The following TRIM37 variants were observed in gnomAD, a reference collection of about 807,000 sequenced individuals.
The protein encoded by TRIM37 is tripartite motif containing 37.
TRIM37 carries 80 observed loss-of-function variants against 129.8 expected under a neutral mutation model. The ratio of observed to expected loss-of-function variants is 0.62; its 90% confidence interval spans 0.51 to 0.74. The LOEUF (loss-of-function observed/expected upper bound fraction) is 0.74, where lower values mean the gene tolerates loss of function less well. TRIM37 is among the 30% of genes least tolerant of loss of function. The probability of loss-of-function intolerance (pLI) is 0.00; values close to 1 mark genes in which losing one functional copy is unlikely to be tolerated. For synonymous variants in TRIM37, 389 were observed against 387.1 expected (o/e 1.00, Z -0.06); for missense variants, 1,054 against 1,176.5 (o/e 0.90, Z 1.52).
intron 21 of TRIM37, 55 bp downstream of exon 21, chr17:59,015,555 C>A: frequency 6.4e-7 from 1 of 1,569,860 alleles, no homozygotes; most frequent in South Asian, 1.1e-5. Flanking sequence ...ACTTAAAGTT[C>A]CAAACAAAGC....
At chr17:59,055,768 T>C (rs577546395) in intron 13 of TRIM37, among the ~76,000 whole-genome samples, 13 of 149,560 alleles carry the variant, frequency 8.7e-5, no homozygotes, top group Admixed American at 2.0e-4. Flanking sequence ...CACTGGGGCC[T>C]ACTTGAGGGT....
chr17:59,088,652 G>A (rs996391351), intron 3 of TRIM37, among the ~76,000 whole-genome samples: 2 of 151,748 alleles, frequency 1.3e-5, no homozygotes, highest in Non-Finnish European at 2.9e-5. Context: ...GAGTGGCTGG[G>A]ACTACAGCAG....
intron 17 of TRIM37, among the ~76,000 whole-genome samples, chr17:59,038,970 T>C (rs2038851090): frequency 6.6e-6 from 1 of 152,178 alleles, no homozygotes. Context: ...GACAAGAGAC[T>C]GATTTCAGTA....
intron 16 of TRIM37, among the ~76,000 whole-genome samples, chr17:59,045,157 T>A (rs2039645039): frequency 6.6e-6 from 1 of 151,798 alleles, no homozygotes; most frequent in Non-Finnish European, 1.5e-5. Flanking sequence ...AAACCCCATC[T>A]CTATTAAAAA....
intron 10 of TRIM37, 97 bp downstream of exon 10, chr17:59,064,258 G>A (rs2041745311): frequency 1.2e-5 from 11 of 901,316 alleles, no homozygotes; most frequent in Non-Finnish European, 1.9e-5. Flanking sequence ...TAAAGTGAGT[G>A]ACACAGTTCA....
Position 59,047,684 on chromosome 17 carries a change from T to G in TRIM37, c.1666A>C (p.Met556Leu). 6.2e-7 allele frequency: 1 copy of G among 1,612,942 alleles called. No homozygotes were observed. Among genetic ancestry groups the G allele is most frequent in the South Asian group, 1.1e-5 (1 of 90,906 alleles). The change falls in exon 16 of 24, where the codon ATG becomes CTG. Residue 556 changes from methionine to leucine, a missense_variant and splice_region_variant. Coordinates refer to ENST00000262294, the MANE Select transcript of TRIM37 (RefSeq NM_015294.6). ...TEENDIDEETMSGENDVEYNN... is the reference protein window; with the variant it reads ...TEENDIDEETLSGENDVEYNN... ...ACAGTAGTAAAGTGGGAAACTCACA[T>G]AGTTTCTTCATCAATATCATTTTCT...
intron 2 of TRIM37, among the ~76,000 whole-genome samples, chr17:59,095,708 T>C (rs1296069664): frequency 1.3e-5 from 2 of 152,180 alleles, no homozygotes; most frequent in Non-Finnish European, 2.9e-5. Flanking sequence ...AAAAACATGC[T>C]AAATACTTTC....
At chr17:59,091,389 T>A (rs1365623263) in intron 2 of TRIM37, 49 bp from the exon 3 acceptor site, 1 of 805,364 alleles carries the variant, frequency 1.2e-6, no homozygotes, top group Non-Finnish European at 1.7e-6. Context: ...CATTACTATA[T>A]ATATATATTA....
chr17:59,015,107 TAA>T (rs34792130), intron 21 of TRIM37, among the ~76,000 whole-genome samples: 48 of 142,602 alleles, frequency 3.4e-4, no homozygotes, highest in South Asian at 1.3e-3. Flanking sequence ...CTCATCCCAT[TAA>T]AAAAAAAAAA....
intron 9 of TRIM37, among the ~76,000 whole-genome samples, chr17:59,065,224 CAG>C (rs2041834239): frequency 6.6e-6 from 1 of 152,092 alleles, no homozygotes; most frequent in African/African-American, 2.4e-5. Flanking sequence ...AATTATGAAA[CAG>C]ATATAAAACA....
chr17:59,101,858 G>T (rs1023563550), intron 2 of TRIM37, among the ~76,000 whole-genome samples: 1 of 150,302 alleles, frequency 6.7e-6, no homozygotes, highest in Admixed American at 6.7e-5. Flanking sequence ...AAAATCTCTT[G>T]AACCTGGGAG....
intron 21 of TRIM37, among the ~76,000 whole-genome samples, chr17:59,015,076 CAAA>C (rs1005170663): frequency 1.3e-5 from 1 of 76,186 alleles, no homozygotes. Context: ...GACTCCATCT[CAAA>C]AAAAAAAAAA....
intron 2 of TRIM37, among the ~76,000 whole-genome samples, chr17:59,100,983 T>C (rs2045405682): frequency 6.6e-6 from 1 of 150,398 alleles, no homozygotes; most frequent in African/African-American, 2.4e-5. Context: ...GATCGCGTCA[T>C]TGCACTCCAG....
chr17:59,066,880 T>C (rs1023943622), intron 9 of TRIM37, among the ~76,000 whole-genome samples: 2 of 152,238 alleles, frequency 1.3e-5, no homozygotes, highest in Non-Finnish European at 2.9e-5. Flanking sequence ...TGCTTAATGC[T>C]AGCACTTAAC....
At position 59,028,624 on chromosome 17, in the gene TRIM37, G is replaced by A. The variant is rs1368630473; in HGVS notation, c.2048C>T (p.Ala683Val). 1 of 1,614,050 alleles carries A rather than the reference G, an allele frequency of 6.2e-7. No homozygotes were observed. ...ATCAGTTTTCATACATCGAACTTCG[G>A]CCATTTGAGTTTTGAGTCTTTTTAG... ...KMLKRLKTQM[A>V]EVRCMKTDVK... Residue 683 changes from alanine to valine, a missense_variant, in exon 19 of 24, where the codon GCC (alanine) becomes GTC (valine). Ala to Val is a moderately conservative substitution (Grantham distance 64). Transcript: ENST00000262294.
At chr17:58,980,927 T>C (rs2031320780), downstream of TRIM37, 1 of 1,614,156 alleles carries the variant, frequency 6.2e-7, no homozygotes, top group Non-Finnish European at 8.5e-7. This position sits in a 1 kb window ranked among gnomAD's most constrained non-coding sequence, Gnocchi z 4.7. Flanking sequence ...TTCTCTGCCA[T>C]GGAGGCAAAA....
intron 2 of TRIM37, among the ~76,000 whole-genome samples, chr17:59,104,087 A>C (rs2045776773): frequency 6.6e-6 from 1 of 152,180 alleles, no homozygotes; most frequent in Admixed American, 6.5e-5. Context: ...CTTCAAAATA[A>C]ACATTCTAAA....
chr17:59,024,214 CAAAAAAAAAAAAAA>C (rs1237722939), intron 19 of TRIM37, among the ~76,000 whole-genome samples: 4 of 74,970 alleles, frequency 5.3e-5, no homozygotes, highest in African/African-American at 1.7e-4. Flanking sequence ...AATTCCGTAT[CAAAAAAAAAAAAAA>C]AAAAAAAAAA....
intron 1 of TRIM37, 58 bp from the exon 2 acceptor site, chr17:59,104,452 A>T: frequency 2.1e-6 from 3 of 1,457,608 alleles, no homozygotes; most frequent in Non-Finnish European, 2.9e-6. Context: ...CAAGAGTAAA[A>T]GGCAAGCTCA....
Sources: gnomAD v4.1 joint callset for allele counts (sites outside exome capture counted in the v4.1 genomes callset) on GRCh38, gnomAD v4.1.1 for gene constraint, Gnocchi (gnomAD v3.1) non-coding constraint, MANE v1.5 for transcripts, NCBI Gene and HGNC (gene_info 2026-07-23, HGNC 2026-07-21) for gene names.